Variants in ZBTB38 observed in about 807,000 individuals in gnomAD.
The protein encoded by ZBTB38 is zinc finger and BTB domain-containing protein 38.
ZBTB38 carries 20 observed loss-of-function variants against 76.8 expected under a neutral mutation model. The observed-to-expected ratio is 0.26, with a 90% CI of 0.18 to 0.38. The LOEUF (loss-of-function observed/expected upper bound fraction) is 0.38. Ranked by LOEUF, ZBTB38 falls within the 10% of genes least tolerant of loss-of-function variation. ZBTB38 has a pLI of 1.00. For synonymous variants in ZBTB38, 504 were observed against 544.2 expected (o/e 0.93, Z 1.03); for missense variants, 1,082 against 1,482.3 (o/e 0.73, Z 4.43).
At chr3:141,438,447 C>G (rs1462777667) in intron 5 of ZBTB38, 1 of 152,308 alleles carries the variant, frequency 6.6e-6, no homozygotes, top group Non-Finnish European at 1.5e-5. Context: ...GTCATGAACT[C>G]CCAACCTCAG....
At chr3:141,331,219 G>T (rs1481319275) in intron 1 of ZBTB38, among the ~76,000 whole-genome samples, 1 of 152,230 alleles carries the variant, frequency 6.6e-6, no homozygotes, top group African/African-American at 2.4e-5. Flanking sequence ...TATGCAATGT[G>T]TGACACAGGT....
chr3:141,436,789 C>T (rs140143440), intron 5 of ZBTB38, among the ~76,000 whole-genome samples: 3,528 of 152,256 alleles, frequency 0.023, 62 homozygotes, highest in East Asian at 0.054. Flanking sequence ...TGAGCCACCG[C>T]GCCCAGCCAG....
chr3:141,442,817 G>A lies in ZBTB38; in HGVS notation c.429G>A (p.Val143=), dbSNP rs1318199562. Residue 143 remains valine, a synonymous_variant, in exon 6 of 6, where the codon GTG becomes GTA. Transcript: ENST00000321464. The surrounding 1 kb of genome is among the most constrained non-coding windows in gnomAD (Gnocchi z 6.4). ...TATTCTGTATTACTGAAAAGGGAGT[G>A]GTTAAAGAAGAAAAAAATGAAAAAA... The part of the protein sequence containing the change: ...PYVFCITEKG[V]VKEEKNEKRH... 2 of 1,614,060 alleles carry A rather than the reference G, an allele frequency of 1.2e-6. No individual in the cohort carries two copies. The highest frequency in any genetic ancestry group is 1.7e-6 in the Non-Finnish European group (2 of 1,180,020).
chr3:141,329,319 G>A (rs1485076825), intron 1 of ZBTB38, among the ~76,000 whole-genome samples: 1 of 152,186 alleles, frequency 6.6e-6, no homozygotes. Flanking sequence ...TTAGAGAAAT[G>A]CCTTCAACAT....
intron 1 of ZBTB38, among the ~76,000 whole-genome samples, chr3:141,369,308 T>C (rs957015052): frequency 6.6e-6 from 1 of 152,240 alleles, no homozygotes; most frequent in Non-Finnish European, 1.5e-5. Context: ...GTGCTGCCTT[T>C]ACTGAGCACG....
chr3:141,328,780 C>G (rs1177324516), intron 1 of ZBTB38, among the ~76,000 whole-genome samples: 4 of 152,196 alleles, frequency 2.6e-5, no homozygotes, highest in Non-Finnish European at 5.9e-5. Context: ...CAAGGCCCTT[C>G]TTTCCCCTCT....
At position 141,445,691 on chromosome 3, in the gene ZBTB38, G is replaced by T; in HGVS notation, c.3303G>T (p.Gln1101His). The T allele has an allele frequency of 6.2e-7, 1 of 1,614,180 alleles. No homozygotes were observed. Among genetic ancestry groups the T allele is most frequent in the Non-Finnish European group, 8.5e-7 (1 of 1,180,022 alleles). Residue 1101 changes from glutamine to histidine, a missense_variant, in exon 6 of 6, where the codon CAG becomes CAT. Coordinates refer to ENST00000321464, the MANE Select transcript of ZBTB38 (RefSeq NM_001376113.1). This position sits in a 1 kb window ranked among gnomAD's most constrained non-coding sequence, Gnocchi z 6.5. ...GTTACCACTGTCAGTTCTGCTTTCAGAGATTTTTGTATCTCTCCACCAAAA... is the reference window on the plus strand; with the variant it reads ...GTTACCACTGTCAGTTCTGCTTTCATAGATTTTTGTATCTCTCCACCAAAA... ...EKRYHCQFCF[Q>H]RFLYLSTKRN...
intron 1 of ZBTB38, among the ~76,000 whole-genome samples, chr3:141,327,382 T>A (rs1191888350): frequency 6.6e-6 from 1 of 152,210 alleles, no homozygotes; most frequent in Non-Finnish European, 1.5e-5. Flanking sequence ...TACCTTGATA[T>A]GATGTGACAG....
At chr3:141,409,067 C>T (rs368248798) in intron 5 of ZBTB38, among the ~76,000 whole-genome samples, 37 of 151,956 alleles carry the variant, frequency 2.4e-4, no homozygotes, top group Non-Finnish European at 3.2e-4. Context: ...TTTTTTAAGA[C>T]GGAGTTTTGC....
At chr3:141,377,947 A>G (rs1945623833) in intron 2 of ZBTB38, among the ~76,000 whole-genome samples, 1 of 152,114 alleles carries the variant, frequency 6.6e-6, no homozygotes, top group Non-Finnish European at 1.5e-5. Context: ...GCACTTTGGG[A>G]GGCTGAGGCA....
At chr3:141,377,066 C>T (rs1160578089) in intron 2 of ZBTB38, among the ~76,000 whole-genome samples, 1 of 152,234 alleles carries the variant, frequency 6.6e-6, no homozygotes. Context: ...GTTCCTGCCC[C>T]ACAGCTGTCA....
intron 2 of ZBTB38, among the ~76,000 whole-genome samples, chr3:141,378,996 C>A (rs988135522): frequency 6.6e-6 from 1 of 152,224 alleles, no homozygotes; most frequent in Non-Finnish European, 1.5e-5. Context: ...ATGGGCCCTC[C>A]TTTAATGGAA....
At chr3:141,421,903 G>A (rs1266574246) in intron 5 of ZBTB38, among the ~76,000 whole-genome samples, 3 of 152,234 alleles carry the variant, frequency 2.0e-5, no homozygotes, top group African/African-American at 7.2e-5. Flanking sequence ...TGGGACCCAG[G>A]AGCATTTCCT....
chr3:141,363,284 A>G (rs556016517), intron 1 of ZBTB38, among the ~76,000 whole-genome samples: 2 of 152,392 alleles, frequency 1.3e-5, no homozygotes, highest in East Asian at 3.8e-4. Context: ...AGGTTTATGA[A>G]TCAGATGACT....
At chr3:141,346,564 G>A (rs576990011) in intron 1 of ZBTB38, among the ~76,000 whole-genome samples, 5 of 152,092 alleles carry the variant, frequency 3.3e-5, no homozygotes, top group Admixed American at 6.5e-5. Context: ...AGCGCGGTTG[G>A]CAGCTCCATA....
chr3:141,380,336 T>G (rs1004050089), intron 2 of ZBTB38, among the ~76,000 whole-genome samples: 1 of 152,270 alleles, frequency 6.6e-6, no homozygotes. Context: ...CCTCTTTCCC[T>G]GTTCTAGGAG....
chr3:141,348,484 T>C (rs141425582), intron 1 of ZBTB38, among the ~76,000 whole-genome samples: 3 of 152,378 alleles, frequency 2.0e-5, no homozygotes, highest in Non-Finnish European at 4.4e-5. Context: ...GTGTCTTTCC[T>C]GAACCTTAGC....
intron 2 of ZBTB38, among the ~76,000 whole-genome samples, chr3:141,377,777 G>A (rs564978066): frequency 1.6e-4 from 24 of 152,242 alleles, no homozygotes; most frequent in African/African-American, 5.5e-4. Flanking sequence ...CAATAAAAAG[G>A]CATGTGCTCT....
intron 2 of ZBTB38, among the ~76,000 whole-genome samples, chr3:141,373,170 A>G (rs978029062): frequency 7.9e-5 from 12 of 152,254 alleles, no homozygotes; most frequent in African/African-American, 2.9e-4. Flanking sequence ...CATTTTGTAA[A>G]TATTTTGATA....
Sources: allele counts gnomAD v4.1 joint callset (sites outside exome capture counted in the v4.1 genomes callset), GRCh38; gene constraint gnomAD v4.1.1; non-coding constraint Gnocchi (gnomAD v3.1); transcripts MANE v1.5; gene names NCBI Gene and HGNC (gene_info 2026-07-23, HGNC 2026-07-21).